The following PPM1L variants were observed in gnomAD, a reference collection of about 807,000 sequenced individuals.
The protein encoded by PPM1L is protein phosphatase, Mg2+/Mn2+ dependent 1L, also known as protein phosphatase 1L.
A neutral mutation model predicts 31.4 loss-of-function variants in PPM1L; 13 were observed. The ratio of observed to expected loss-of-function variants is 0.41; its 90% CI spans 0.27 to 0.66. The LOEUF (loss-of-function observed/expected upper bound fraction) is 0.66, where lower values mean the gene tolerates loss of function less well. PPM1L is among the 30% of genes least tolerant of loss of function. The pLI is 0.29. For missense variants in PPM1L, 326 were observed against 453.7 expected (o/e 0.72, Z 2.56); for synonymous variants, 184 against 175.4 (o/e 1.05, Z -0.39).
At chr3:160,958,583 AATGTT>A (rs1715855599) in intron 1 of PPM1L, among the ~76,000 whole-genome samples, 1 of 152,166 alleles carries the variant, frequency 6.6e-6, no homozygotes, top group African/African-American at 2.4e-5. Context: ...TCAGGGAAAA[AATGTT>A]ATTAAATTTT....
chr3:160,865,477 T>C (rs1243946905), intron 1 of PPM1L, among the ~76,000 whole-genome samples: 1 of 152,104 alleles, frequency 6.6e-6, no homozygotes, highest in Non-Finnish European at 1.5e-5. Flanking sequence ...ATTGTTCTGC[T>C]TAAAAAAAAA....
intron 2 of PPM1L, among the ~76,000 whole-genome samples, chr3:161,029,769 C>T (rs762642448): frequency 7.9e-5 from 12 of 152,148 alleles, no homozygotes; most frequent in Non-Finnish European, 1.6e-4. Flanking sequence ...CATAGAATTT[C>T]TCCTTTCCTT....
intron 2 of PPM1L, among the ~76,000 whole-genome samples, chr3:161,051,423 A>G (rs1307809300): frequency 2.0e-5 from 3 of 151,830 alleles, no homozygotes; most frequent in East Asian, 1.9e-4. Context: ...GTCCTATATT[A>G]TTAAATACAG....
At chr3:160,978,085 C>T (rs928193459) in intron 2 of PPM1L, among the ~76,000 whole-genome samples, 4 of 152,136 alleles carry the variant, frequency 2.6e-5, no homozygotes, top group Non-Finnish European at 5.9e-5. Flanking sequence ...AACAAGGAAA[C>T]CTACTATGAG....
intron 2 of PPM1L, among the ~76,000 whole-genome samples, chr3:160,994,422 A>T (rs572108081): frequency 2.0e-5 from 3 of 152,122 alleles, no homozygotes; most frequent in Admixed American, 6.5e-5. Context: ...TTCCCCAGTG[A>T]TCTTCACCTG....
At chr3:160,956,058 A>G in intron 1 of PPM1L, among the ~76,000 whole-genome samples, 1 of 152,312 alleles carries the variant, frequency 6.6e-6, no homozygotes, top group East Asian at 1.9e-4. Context: ...CTTAAAGAAT[A>G]TACCATATAA....
At chr3:160,942,712 A>G (rs9860537) in intron 1 of PPM1L, among the ~76,000 whole-genome samples, 88 of 152,104 alleles carry the variant, frequency 5.8e-4, no homozygotes, top group African/African-American at 2.0e-3. Context: ...GTAACTTTTC[A>G]TAAGACAAAT....
chr3:160,829,956 C>T (rs987962893), intron 1 of PPM1L, among the ~76,000 whole-genome samples: 1 of 152,118 alleles, frequency 6.6e-6, no homozygotes, highest in African/African-American at 2.4e-5. Context: ...AAGGTACAGC[C>T]TGGCAGCTGC....
chr3:160,938,274 A>T (rs1576726701), intron 1 of PPM1L, among the ~76,000 whole-genome samples: 1 of 152,172 alleles, frequency 6.6e-6, no homozygotes, highest in Admixed American at 6.5e-5. Context: ...CTACCAACTG[A>T]TGGCTGCTAA....
intron 2 of PPM1L, among the ~76,000 whole-genome samples, chr3:161,058,754 T>A (rs887188892): frequency 6.6e-6 from 1 of 151,992 alleles, no homozygotes; most frequent in Admixed American, 6.6e-5. Context: ...CTTAGTAGAG[T>A]TTATAGTACT....
chr3:160,879,715 T>A (rs1341492240), intron 1 of PPM1L, among the ~76,000 whole-genome samples: 1 of 152,244 alleles, frequency 6.6e-6, no homozygotes, highest in East Asian at 1.9e-4. Flanking sequence ...GCATGCCTGT[T>A]AAAACACAGA....
chr3:160,814,573 GTATATATATACACACACATA>G (rs1560114756), intron 1 of PPM1L, among the ~76,000 whole-genome samples: 1 of 87,314 alleles, frequency 1.1e-5, no homozygotes, highest in African/African-American at 5.7e-5. Flanking sequence ...GTATGTATGT[GTATATATATACACACACATA>G]TGTATGTATG....
intron 1 of PPM1L, among the ~76,000 whole-genome samples, chr3:160,868,534 C>T (rs1576679633): frequency 1.3e-5 from 2 of 152,340 alleles, no homozygotes; most frequent in East Asian, 3.9e-4. Flanking sequence ...AGCAGGGCTG[C>T]TTTTCACTGG....
intron 2 of PPM1L, among the ~76,000 whole-genome samples, chr3:161,057,214 T>A (rs1383517672): frequency 6.6e-6 from 1 of 152,138 alleles, no homozygotes; most frequent in Non-Finnish European, 1.5e-5. Context: ...CCATGAGATG[T>A]GATGCCAACA....
intron 1 of PPM1L, among the ~76,000 whole-genome samples, chr3:160,823,046 T>C (rs904539400): frequency 6.6e-6 from 1 of 152,022 alleles, no homozygotes; most frequent in African/African-American, 2.4e-5. Flanking sequence ...CACAAAGAGA[T>C]AGAACTATCT....
At chr3:160,763,027 T>C (rs1284714205) in intron 1 of PPM1L, among the ~76,000 whole-genome samples, 1 of 152,242 alleles carries the variant, frequency 6.6e-6, no homozygotes, top group Non-Finnish European at 1.5e-5. Flanking sequence ...TTTAACCTGC[T>C]GAGATGCTGT....
chr3:161,009,160 T>C (rs989879541), intron 2 of PPM1L, among the ~76,000 whole-genome samples: 1 of 152,346 alleles, frequency 6.6e-6, no homozygotes, highest in East Asian at 1.9e-4. Flanking sequence ...TGGTCAATGC[T>C]AATATATATT....
intron 1 of PPM1L, among the ~76,000 whole-genome samples, chr3:160,760,597 G>T (rs1231204833): frequency 1.3e-5 from 2 of 151,858 alleles, no homozygotes; most frequent in Non-Finnish European, 2.9e-5. Flanking sequence ...AGGTAAAAAG[G>T]AGCTCGTTAT....
chr3:160,949,328 T>G (rs1332131932), intron 1 of PPM1L, among the ~76,000 whole-genome samples: 2 of 152,192 alleles, frequency 1.3e-5, no homozygotes. Context: ...CTCTCAGAGA[T>G]TTTTTAGTCG....
Sources: allele counts gnomAD v4.1 joint callset (sites outside exome capture counted in the v4.1 genomes callset), GRCh38; gene constraint gnomAD v4.1.1; transcripts MANE v1.5; gene names NCBI Gene and HGNC (gene_info 2026-07-23, HGNC 2026-07-21).